PCDH11X: variants seen among roughly 807,000 people sequenced by gnomAD.
PCDH11X encodes the protein protocadherin-11 X-linked.
In PCDH11X, 18 loss-of-function variants were observed where a neutral mutation model predicts 53.3. That is an observed-to-expected ratio of 0.34 (90% CI 0.23 to 0.50). The LOEUF (loss-of-function observed/expected upper bound fraction) is 0.50, where lower values mean the gene tolerates loss of function less well. Ranked by LOEUF, PCDH11X falls within the 20% of genes least tolerant of loss-of-function variation. The pLI is 0.98. For missense variants in PCDH11X, 570 were observed against 1,032.4 expected, an observed-to-expected ratio of 0.55 and a Z score of 6.14; for synonymous variants, 279 against 393.3, an observed-to-expected ratio of 0.71 and a Z score of 3.44.
chrX:91,823,637 G>A (rs1286249540), intron 4 of PCDH11X, among the ~76,000 whole-genome samples: 2 of 111,586 alleles, frequency 1.8e-5, no homozygotes, highest in African/African-American at 3.3e-5. Context: ...CAATTTGCCA[G>A]TCTGTGTCTT....
At chrX:91,905,730 C>CT (rs916323283) in intron 6 of PCDH11X, among the ~76,000 whole-genome samples, 5 of 110,896 alleles carry the variant, frequency 4.5e-5, no homozygotes, top group Admixed American at 9.7e-5. Context: ...CAACTCTACA[C>CT]TTTTTTTTAC....
chrX:91,834,282 T>C, intron 4 of PCDH11X, among the ~76,000 whole-genome samples: 1 of 111,134 alleles, frequency 9.0e-6, no homozygotes, highest in East Asian at 2.8e-4. Context: ...GAAGATAAAA[T>C]TTGCAGATTT....
intron 10 of PCDH11X, among the ~76,000 whole-genome samples, chrX:92,599,619 G>A (rs751026116): frequency 5.4e-5 from 6 of 111,752 alleles, no homozygotes; most frequent in Non-Finnish European, 1.9e-5. Flanking sequence ...ACCCAGTTTT[G>A]GGTATTTCTT....
chrX:91,828,356 G>A (rs910693165), intron 4 of PCDH11X, among the ~76,000 whole-genome samples: 1 of 110,402 alleles, frequency 9.1e-6, no homozygotes, highest in South Asian at 3.8e-4. Flanking sequence ...TCCTGACCTC[G>A]TGATCCGCCC....
At chrX:92,183,902 A>T (rs2066043798) in intron 6 of PCDH11X, among the ~76,000 whole-genome samples, 1 of 111,626 alleles carries the variant, frequency 9.0e-6, no homozygotes, top group East Asian at 2.8e-4. Flanking sequence ...TAAAATAGCA[A>T]CCCCACTCTC....
At chrX:92,527,233 A>C (rs1164714911) in intron 10 of PCDH11X, among the ~76,000 whole-genome samples, 33 of 111,418 alleles carry the variant, frequency 3.0e-4, no homozygotes, top group Admixed American at 2.2e-3. Context: ...AATCAATAAT[A>C]ACTTAATTGT....
At chrX:91,819,233 A>C (rs1217039838) in intron 4 of PCDH11X, among the ~76,000 whole-genome samples, 1 of 108,581 alleles carries the variant, frequency 9.2e-6, no homozygotes, top group African/African-American at 3.4e-5. Context: ...TTCATTTCTT[A>C]ATGAGTTGGA....
chrX:92,105,545 G>A (rs922847179), intron 6 of PCDH11X, among the ~76,000 whole-genome samples: 10 of 109,511 alleles, frequency 9.1e-5, no homozygotes, highest in Non-Finnish European at 1.7e-4. Flanking sequence ...AGTCAGCGAA[G>A]GGAGATAGGG....
intron 8 of PCDH11X, among the ~76,000 whole-genome samples, chrX:92,346,353 C>A (rs2069895535): frequency 2.7e-5 from 3 of 110,953 alleles, no homozygotes; most frequent in African/African-American, 9.8e-5. Context: ...AGCATTTTTG[C>A]TACATTTTAC....
chrX:91,845,116 A>C (rs1345752604), intron 5 of PCDH11X, among the ~76,000 whole-genome samples: 1 of 111,992 alleles, frequency 8.9e-6, no homozygotes, highest in Admixed American at 9.5e-5. Flanking sequence ...ATAGATATCA[A>C]AAAGCCAAAG....
intron 6 of PCDH11X, among the ~76,000 whole-genome samples, chrX:92,195,628 T>A (rs1472938353): frequency 9.0e-6 from 1 of 111,428 alleles, no homozygotes; most frequent in East Asian, 2.8e-4. Context: ...GCTTTGATGA[T>A]GGCAGTTATC....
intron 8 of PCDH11X, among the ~76,000 whole-genome samples, chrX:92,348,549 T>A (rs1393489125): frequency 5.1e-5 from 5 of 98,884 alleles, no homozygotes; most frequent in Non-Finnish European, 8.2e-5. Flanking sequence ...ATTATTATTA[T>A]TTTTGAGACG....
chrX:92,183,392 G>A (rs1257659230), intron 6 of PCDH11X, among the ~76,000 whole-genome samples: 1 of 109,798 alleles, frequency 9.1e-6, no homozygotes, highest in Non-Finnish European at 1.9e-5. Flanking sequence ...AAATAGCTGG[G>A]ATTACAGGCA....
chrX:92,014,278 G>GA (rs2062749171), intron 6 of PCDH11X, among the ~76,000 whole-genome samples: 1 of 112,003 alleles, frequency 8.9e-6, no homozygotes, highest in African/African-American at 3.2e-5. Flanking sequence ...ACAGACACAT[G>GA]AAAAAATGCT....
At chrX:92,006,693 T>C (rs1395980470) in intron 6 of PCDH11X, among the ~76,000 whole-genome samples, 3 of 110,360 alleles carry the variant, frequency 2.7e-5, no homozygotes, top group Non-Finnish European at 5.7e-5. Flanking sequence ...TGTCTGGGCA[T>C]TGAAGAGCTA....
At chrX:91,823,804 G>T (rs2147591873) in intron 4 of PCDH11X, among the ~76,000 whole-genome samples, 1 of 111,242 alleles carries the variant, frequency 9.0e-6, no homozygotes, top group South Asian at 3.8e-4. Context: ...ATTTTGCAGT[G>T]GCTGGTACCG....
intron 5 of PCDH11X, among the ~76,000 whole-genome samples, chrX:91,857,986 G>A (rs1285962523): frequency 9.0e-6 from 1 of 111,386 alleles, no homozygotes; most frequent in African/African-American, 3.3e-5. Context: ...CTTCTGCCAT[G>A]CCCTTGCAGA....
chrX:92,581,241 T>G (rs1003344321), intron 10 of PCDH11X, among the ~76,000 whole-genome samples: 3 of 111,879 alleles, frequency 2.7e-5, no homozygotes, highest in African/African-American at 9.8e-5. Context: ...AATATGCACC[T>G]TTTTTTAAGT....
At chrX:92,531,082 T>C (rs1219497133) in intron 10 of PCDH11X, among the ~76,000 whole-genome samples, 16 of 110,943 alleles carry the variant, frequency 1.4e-4, no homozygotes, top group African/African-American at 5.2e-4. Flanking sequence ...AAAATCAACT[T>C]AGTAGGAATG....
Sources: allele counts gnomAD v4.1 joint callset (sites outside exome capture counted in the v4.1 genomes callset), GRCh38; gene constraint gnomAD v4.1.1; transcripts MANE v1.5; gene names NCBI Gene and HGNC (gene_info 2026-07-23, HGNC 2026-07-21).